Variants in SPAG16 observed in about 807,000 individuals in gnomAD.
The protein encoded by SPAG16 is sperm-associated antigen 16 protein.
Under a neutral mutation model 80.4 loss-of-function variants are expected in SPAG16, and 86 were observed. That is an observed-to-expected ratio of 1.07 (90% CI 0.90 to 1.28). The LOEUF (loss-of-function observed/expected upper bound fraction) is 1.28. Among genes scored for constraint, SPAG16 ranks in the 50% most tolerant of loss-of-function variants. SPAG16 has a pLI of 0.00. For synonymous variants in SPAG16, 294 were observed against 265.9 expected, an observed-to-expected ratio of 1.11 and a Z score of -1.03; for missense variants, 870 against 765.3, an observed-to-expected ratio of 1.14 and a Z score of -1.61.
rs34037668 is a variant in SPAG16, at chr2:214,402,477, G to GT, written c.1721-7653dup. Among the ~76,000 whole-genome samples, 1,148 of 143,510 alleles carry GT rather than the reference G, an allele frequency of 8.0e-3. 8 individuals carry two copies. Among genetic ancestry groups the GT allele is most frequent in the African/African-American group, 0.024 (927 of 39,298 alleles). The allele number at this position is 143,510 out of a possible 152,430, so 94.1% of individuals were successfully genotyped here. A position where few individuals can be genotyped will look rare whatever the true frequency, so the allele number is the denominator to read the frequency against. On this transcript the variant is annotated intron_variant, in intron 15 of 15. Transcript: ENST00000331683. ...GAGATCTTTCAGCAAAACAAGAACTGTTTTTTTTTTCAGGAACAATTAGTG... is the reference window on the plus strand; with the variant it reads ...GAGATCTTTCAGCAAAACAAGAACTGTTTTTTTTTTTCAGGAACAATTAGTG...
At chr2:213,404,027 A>T (rs1178953901) in intron 9 of SPAG16, among the ~76,000 whole-genome samples, 1 of 152,168 alleles carries the variant, frequency 6.6e-6, no homozygotes, top group Non-Finnish European at 1.5e-5. Context: ...TTCAAGGAGA[A>T]CTAAAAACCA....
chr2:213,694,096 T>C (rs1018083114), intron 10 of SPAG16, among the ~76,000 whole-genome samples: 2 of 151,300 alleles, frequency 1.3e-5, no homozygotes, highest in African/African-American at 4.9e-5. Context: ...AGAAAAGACA[T>C]GGACTCTCAT....
chr2:213,833,504 T>A (rs372106098), intron 10 of SPAG16, among the ~76,000 whole-genome samples: 39 of 1,350 alleles, frequency 0.029, 3 homozygotes, highest in East Asian at 0.071. Flanking sequence ...AATATATATA[T>A]TATATATAAT....
At chr2:214,326,894 G>A (rs1260116907) in intron 15 of SPAG16, among the ~76,000 whole-genome samples, 1 of 137,684 alleles carries the variant, frequency 7.3e-6, no homozygotes, top group African/African-American at 2.8e-5. Flanking sequence ...GCAGTGAGCC[G>A]AGATTGCACC....
At chr2:213,637,869 G>A (rs2062429482) in intron 10 of SPAG16, among the ~76,000 whole-genome samples, 1 of 152,116 alleles carries the variant, frequency 6.6e-6, no homozygotes, top group South Asian at 2.1e-4. Context: ...CCATTCTCCT[G>A]GCTCAGCCTC....
intron 12 of SPAG16, among the ~76,000 whole-genome samples, chr2:213,943,792 G>A (rs1385926703): frequency 1.3e-5 from 2 of 152,146 alleles, no homozygotes; most frequent in Admixed American, 6.5e-5. Flanking sequence ...CACAAGGGGT[G>A]TGGCCAGGCT....
chr2:214,010,215 C>T (rs1240764152), intron 12 of SPAG16, among the ~76,000 whole-genome samples: 1 of 145,682 alleles, frequency 6.9e-6, no homozygotes, highest in Admixed American at 6.7e-5. Flanking sequence ...TTTGATTGCT[C>T]TTCCCCTACC....
chr2:214,288,135 A>T (rs1693504633), intron 15 of SPAG16, among the ~76,000 whole-genome samples: 1 of 150,850 alleles, frequency 6.6e-6, no homozygotes, highest in South Asian at 2.1e-4. Context: ...CCATGAGATC[A>T]ACTTTTTTAG....
chr2:213,870,715 T>C (rs920532858), intron 11 of SPAG16, among the ~76,000 whole-genome samples: 19 of 152,188 alleles, frequency 1.2e-4, no homozygotes, highest in African/African-American at 4.6e-4. Flanking sequence ...AGCATTATTA[T>C]GGTTGTTGTT....
intron 13 of SPAG16, among the ~76,000 whole-genome samples, chr2:214,055,136 A>T (rs1239421018): frequency 1.3e-5 from 2 of 152,144 alleles, no homozygotes; most frequent in Non-Finnish European, 2.9e-5. Flanking sequence ...CATTACATTT[A>T]TTTTTTAACT....
intron 10 of SPAG16, among the ~76,000 whole-genome samples, chr2:213,600,850 C>T (rs920957048): frequency 6.6e-6 from 1 of 152,182 alleles, no homozygotes; most frequent in South Asian, 2.1e-4. Flanking sequence ...TTTACCTTCA[C>T]TCTCTGAAGG....
chr2:214,059,233 T>TAC (rs2050125061), intron 13 of SPAG16, among the ~76,000 whole-genome samples: 1 of 119,558 alleles, frequency 8.4e-6, no homozygotes, highest in African/African-American at 3.3e-5. Flanking sequence ...TATATATATA[T>TAC]ATATATATGT....
chr2:213,539,708 AC>A (rs2076366008), intron 10 of SPAG16, among the ~76,000 whole-genome samples: 1 of 152,226 alleles, frequency 6.6e-6, no homozygotes, highest in South Asian at 2.1e-4. Flanking sequence ...AATAAACCAT[AC>A]TATTAAGCAT....
At chr2:213,346,211 T>G (rs1394010791) in intron 6 of SPAG16, among the ~76,000 whole-genome samples, 3 of 152,204 alleles carry the variant, frequency 2.0e-5, no homozygotes, top group Non-Finnish European at 4.4e-5. Context: ...AGAATGCTTG[T>G]GATTTTTGCA....
intron 15 of SPAG16, among the ~76,000 whole-genome samples, chr2:214,163,776 C>T (rs1384982897): frequency 4.0e-5 from 6 of 151,828 alleles, no homozygotes; most frequent in African/African-American, 1.4e-4. Context: ...TATTGCAGCT[C>T]GAGTCCACAG....
At position 213,888,652 on chromosome 2, in the gene SPAG16, C is replaced by A. The variant is rs921980836; in HGVS notation, c.1214+26024C>A. ...GTCTAATAATGATAGAGCTGGAAAA[C>A]AGATGTTTTTCTAAGGCAAAGAATT... On this transcript the variant is annotated intron_variant, in intron 11 of 15. Transcript: ENST00000331683. Among the ~76,000 whole-genome samples, 4 of 151,854 alleles carry A rather than the reference C, an allele frequency of 2.6e-5. No individual in the cohort carries two copies. The South Asian group carries it at 8.3e-4, about 31-fold the overall frequency.
chr2:213,800,292 A>G (rs549189817), intron 10 of SPAG16, among the ~76,000 whole-genome samples: 2 of 147,794 alleles, frequency 1.4e-5, no homozygotes, highest in African/African-American at 5.1e-5. Context: ...TTGTCTCCCT[A>G]TATTTCCCTC....
At chr2:213,948,425 A>C (rs749587614) in intron 12 of SPAG16, among the ~76,000 whole-genome samples, 7 of 152,180 alleles carry the variant, frequency 4.6e-5, no homozygotes, top group Non-Finnish European at 1.0e-4. Flanking sequence ...ATTTGCTCGT[A>C]TTTGGAATAC....
At chr2:213,885,632 T>C (rs1029302083) in intron 11 of SPAG16, among the ~76,000 whole-genome samples, 10 of 152,288 alleles carry the variant, frequency 6.6e-5, no homozygotes, top group East Asian at 5.8e-4. Context: ...GTGATAGCCA[T>C]GAGGTCTTTG....
Sources: allele counts gnomAD v4.1 joint callset (sites outside exome capture counted in the v4.1 genomes callset), GRCh38; gene constraint gnomAD v4.1.1; transcripts MANE v1.5; gene names NCBI Gene and HGNC (gene_info 2026-07-23, HGNC 2026-07-21).